JAG2: variants seen among roughly 807,000 people sequenced by gnomAD.
JAG2 encodes the protein jagged canonical Notch ligand 2.
JAG2 carries 46 observed loss-of-function variants against 141.7 expected under a neutral mutation model. The observed-to-expected ratio is 0.32, with a 90% confidence interval of 0.26 to 0.42. The LOEUF (loss-of-function observed/expected upper bound fraction) is 0.42. Ranked by LOEUF, JAG2 falls within the 10% of genes least tolerant of loss-of-function variation. JAG2 has a pLI of 1.00. For synonymous variants in JAG2, 862 were observed against 763.5 expected (o/e 1.13, Z -2.13); for missense variants, 1,500 against 1,817.5 (o/e 0.83, Z 3.18).
chr14:105,151,233 C>A (rs776221913), intron 9 of JAG2, 50 bp downstream of exon 9: 1 of 1,568,514 alleles, frequency 6.4e-7, no homozygotes, highest in Non-Finnish European at 8.7e-7. Context: ...GCAGCCCCCG[C>A]AGCCCGCATG....
In JAG2 at chr14:105,146,601, C is replaced by G. The variant is rs770960516; in HGVS notation, c.2593+10G>C. 5.6e-6 allele frequency: 9 copies of G among 1,611,276 alleles called. No individual in the cohort carries two copies. In the African/African-American group the frequency reaches 1.2e-4, roughly 22 times the overall value. On this transcript the variant is annotated intron_variant, in intron 21 of 25. Transcript: ENST00000331782. ...CCCGCCCCAACCCAGGGCAATCACACGGGGCCTACCTTCCTGGCACCGGGG... is the reference window on the plus strand; with the variant it reads ...CCCGCCCCAACCCAGGGCAATCACAGGGGGCCTACCTTCCTGGCACCGGGG...
Position 105,142,488 on chromosome 14 carries a change from G to A in JAG2, c.*207C>T, listed in dbSNP as rs190273045. ...AACTTTACAAAAATAGCAACTATCC[G>A]AGAATACTCCATTGTTTTCAGCCTG... On this transcript the variant is annotated 3_prime_UTR_variant, in exon 26 of 26. Coordinates refer to ENST00000331782, the MANE Select transcript of JAG2 (RefSeq NM_002226.5). 38 of 577,774 alleles carry A rather than the reference G, an allele frequency of 6.6e-5. No individual in the cohort carries two copies. Among genetic ancestry groups the A allele is most frequent in the African/African-American group, 6.6e-4 (35 of 53,302 alleles). The allele number at this position is 577,774 out of a possible 1,614,324, so 35.8% of individuals were successfully genotyped here. A position where few individuals can be genotyped will look rare whatever the true frequency, so the allele number is the denominator to read the frequency against.
chr14:105,149,288 G>A lies in JAG2; in HGVS notation c.1635C>T (p.Cys545=), dbSNP rs1203456646. Residue 545 remains cysteine, a synonymous_variant, in exon 13 of 26, where the codon TGC becomes TGT. Coordinates refer to ENST00000331782, the MANE Select transcript of JAG2 (RefSeq NM_002226.5). ...VDVDLCEPSP[C]RNGARCYNLE... Reference sequence around the variant, plus strand: ...GGTTATAGCAGCGAGCGCCGTTCCGGCAGGGGCTTGGCTCACAAAGGTCGA... The same window carrying A: ...GGTTATAGCAGCGAGCGCCGTTCCGACAGGGGCTTGGCTCACAAAGGTCGA... The A allele has an allele frequency of 6.2e-7, 1 of 1,612,692 alleles. No homozygotes were observed. The highest frequency in any genetic ancestry group is 1.7e-5 in the Admixed American group (1 of 60,036).
intron 2 of JAG2, among the ~76,000 whole-genome samples, chr14:105,158,011 C>T (rs911036146): frequency 2.0e-5 from 3 of 151,278 alleles, no homozygotes; most frequent in Admixed American, 6.6e-5. Context: ...GGCTCCCTAC[C>T]GTTGGGGTGC....
At chr14:105,152,099 C>T (rs370031844) in intron 6 of JAG2, 42 bp from the exon 7 acceptor site, 1 of 1,613,290 alleles carries the variant, frequency 6.2e-7, no homozygotes. Context: ...AGCCGGCCCC[C>T]CGCTCCCCCA....
Position 105,156,006 on chromosome 14 carries a change from A to G in JAG2, c.476-17T>C, listed in dbSNP as rs747427043. The G allele has an allele frequency of 3.1e-6, 5 of 1,599,568 alleles. No homozygotes were observed. The South Asian group carries it at 3.3e-5, about 11-fold the overall frequency. On this transcript the variant is annotated splice_polypyrimidine_tract_variant and intron_variant, in intron 3 of 25. Coordinates refer to ENST00000331782, the MANE Select transcript of JAG2 (RefSeq NM_002226.5). ...GCAGCTCCTCTTGGGGAGGCGGCAG[A>G]GTCAGCACAGGCCAGAGAAACCAGC...
At chr14:105,147,919 C>T (rs1888278795) in intron 17 of JAG2, 31 bp from the exon 18 acceptor site, 1 of 1,502,226 alleles carries the variant, frequency 6.7e-7, no homozygotes, top group Non-Finnish European at 9.1e-7. Flanking sequence ...GGGAGCGTCT[C>T]ACCTGGCCCT....
intron 11 of JAG2, 43 bp downstream of exon 11, chr14:105,150,822 C>A: frequency 6.4e-7 from 1 of 1,571,808 alleles, no homozygotes; most frequent in Non-Finnish European, 8.6e-7. Context: ...ACCCTGACGG[C>A]CCCGCAGCAC....
intron 20 of JAG2, 142 bp downstream of exon 20, chr14:105,147,184 G>T (rs1477597408): frequency 2.8e-6 from 2 of 716,360 alleles, no homozygotes; most frequent in African/African-American, 3.5e-5. Flanking sequence ...CAGACATGTG[G>T]GGAAACTGAG....
chr14:105,144,044 C>T (rs1196984139), intron 24 of JAG2, among the ~76,000 whole-genome samples: 1 of 139,730 alleles, frequency 7.2e-6, no homozygotes, highest in Admixed American at 7.0e-5. Flanking sequence ...TCCGGGCACA[C>T]AGGAGAGCCC....
intron 2 of JAG2, among the ~76,000 whole-genome samples, chr14:105,164,652 G>T (rs768634934): frequency 4.6e-5 from 7 of 152,298 alleles, no homozygotes; most frequent in African/African-American, 1.7e-4. Flanking sequence ...GCCCTAGGGC[G>T]GCTGGATGCA....
intron 2 of JAG2, among the ~76,000 whole-genome samples, chr14:105,159,691 C>A (rs1225031081): frequency 7.5e-6 from 1 of 132,532 alleles, no homozygotes; most frequent in Admixed American, 7.4e-5. Flanking sequence ...AGGGCTCCAT[C>A]CACACCCCGC....
At chr14:105,168,140 G>A in intron 1 of JAG2, 33 bp from the exon 2 acceptor site, 1 of 1,468,496 alleles carries the variant, frequency 6.8e-7, no homozygotes, top group Non-Finnish European at 9.0e-7. Context: ...GCGGAGGGAG[G>A]CGCGGGCCGG....
rs1243258399 is a variant in JAG2, at chr14:105,143,655, C to T, written c.3085-17G>A. On this transcript the variant is annotated splice_polypyrimidine_tract_variant and intron_variant, in intron 24 of 25. Transcript: ENST00000331782. ...GCTGAAGGACTGCGGCAAAGAACGG[C>T]ATTGTGGGGATGGCTCGAGGGCTCC... 1.2e-6 allele frequency: 2 copies of T among 1,604,968 alleles called. No individual in the cohort carries two copies. The highest frequency in any genetic ancestry group is 1.7e-5 in the Admixed American group (1 of 59,914).
rs758681359 is a variant in JAG2 at position 105,146,663 on chromosome 14, G to A, written c.2541C>T (p.Asn847=). 4.2e-5 allele frequency: 67 copies of A among 1,612,664 alleles called. No homozygotes were observed. Among genetic ancestry groups the A allele is most frequent in the South Asian group, 5.5e-5 (5 of 91,086 alleles). The part of the protein sequence containing the change: ...AYGATCVDEI[N]GYRCSCPPGR... Reference sequence around the variant, plus strand: ...CGGGTGGGCAGCTACAGCGATACCCGTTGATCTCATCCACACACGTGGCCC... The same window carrying A: ...CGGGTGGGCAGCTACAGCGATACCCATTGATCTCATCCACACACGTGGCCC... The change falls in exon 21 of 26, where the codon AAC becomes AAT. Residue 847 remains asparagine, a synonymous_variant. Coordinates refer to ENST00000331782, the MANE Select transcript of JAG2 (RefSeq NM_002226.5).
chr14:105,156,233 C>T (rs756641945), intron 3 of JAG2, among the ~76,000 whole-genome samples: 3 of 152,170 alleles, frequency 2.0e-5, no homozygotes, highest in Non-Finnish European at 4.4e-5. Context: ...GGTCGGGGGG[C>T]CCGGCTAGGG....
intron 23 of JAG2, 79 bp downstream of exon 23, chr14:105,145,652 C>T (rs994335898): frequency 1.3e-5 from 20 of 1,524,752 alleles, no homozygotes; most frequent in African/African-American, 2.8e-5. Flanking sequence ...CCCTGCCCTG[C>T]GGGGCTAGGC....
rs1888967716 is a variant in JAG2, at chr14:105,167,825, C to T, written c.349G>A (p.Ala117Thr). 1 of 1,472,868 alleles carries T rather than the reference C, an allele frequency of 6.8e-7. No homozygotes were observed. 91.2% of individuals were successfully genotyped at this position (1,472,868 alleles called of 1,614,324 possible). ...TGGTCGCCGCCGGCCCGGGCCCGCG[C>T]CCGCGCTCGGTCCCCCGCAGCGCCC... ...PAGAAGDRAR[A>T]RARAGGDQDP... Residue 117 changes from alanine (A) to threonine (T), a missense_variant, in exon 2 of 26, where the codon GCG becomes ACG. By Grantham distance (58) the Ala-to-Thr change is moderately conservative (BLOSUM62 0). Around this residue, in one of 3 missense-constraint regions of JAG2, gnomAD observed 200 missense variants for 174.3 expected, o/e 1.15. Transcript: ENST00000331782. The surrounding 1 kb of genome is among the most constrained non-coding windows in gnomAD (Gnocchi z 4.8).
intron 2 of JAG2, among the ~76,000 whole-genome samples, chr14:105,163,770 C>T (rs888980137): frequency 2.0e-5 from 3 of 151,064 alleles, no homozygotes; most frequent in African/African-American, 7.3e-5. Flanking sequence ...GACAGGGACC[C>T]AGCTCAGGCC....
Sources: gnomAD v4.1 joint callset for allele counts (sites outside exome capture counted in the v4.1 genomes callset) on GRCh38, gnomAD v4.1.1 for gene constraint, gnomAD v4.1.1 regional missense constraint, Gnocchi (gnomAD v3.1) non-coding constraint, MANE v1.5 for transcripts, NCBI Gene and HGNC (gene_info 2026-07-23, HGNC 2026-07-21) for gene names.